RGS6: variants seen among roughly 807,000 people sequenced by gnomAD.
RGS6 encodes the protein regulator of G protein signaling 6.
RGS6 carries 30 observed loss-of-function variants against 78.5 expected under a neutral mutation model. The observed-to-expected ratio is 0.38, with a 90% CI of 0.29 to 0.52. RGS6 has a LOEUF of 0.52. RGS6 is among the 20% of genes least tolerant of loss of function. The probability of loss-of-function intolerance (pLI) is 0.85; values close to 1 mark genes in which losing one functional copy is unlikely to be tolerated. For missense variants in RGS6, 495 were observed against 609.7 expected (o/e 0.81, Z 1.98); for synonymous variants, 206 against 206.0 (o/e 1.00, Z 0.00).
intron 3 of RGS6, among the ~76,000 whole-genome samples, chr14:72,432,101 G>T (rs1179553372): frequency 1.3e-5 from 2 of 152,214 alleles, no homozygotes; most frequent in East Asian, 3.8e-4. Context: ...CCATCTCTGG[G>T]TGCAGCCAGG....
chr14:72,548,368 TG>T (rs1425787174), intron 17 of RGS6, among the ~76,000 whole-genome samples: 61 of 151,296 alleles, frequency 4.0e-4, no homozygotes, highest in African/African-American at 1.5e-3. Context: ...TGTGTGTGTG[TG>T]TGTTTTAAAT....
chr14:72,338,645 A>C (rs907324757), intron 2 of RGS6, among the ~76,000 whole-genome samples: 1 of 152,228 alleles, frequency 6.6e-6, no homozygotes, highest in African/African-American at 2.4e-5. Context: ...GCCTTTTAAG[A>C]GTATCATATA....
chr14:72,564,284 T>C lies in RGS6; in HGVS notation c.*1817T>C. Reference sequence around the variant, plus strand: ...CAGTGGAAACCAGAGAGATGACAGATGTTGAGTCCTCAGTGTCTCAGAGGC... The same window carrying C: ...CAGTGGAAACCAGAGAGATGACAGACGTTGAGTCCTCAGTGTCTCAGAGGC... On this transcript the variant is annotated 3_prime_UTR_variant, in exon 18 of 18. Coordinates refer to ENST00000553525, the MANE Select transcript of RGS6 (RefSeq NM_001204424.2). The C allele has an allele frequency of 6.6e-6, 1 of 152,250 alleles. No individual in the cohort carries two copies. Among genetic ancestry groups the C allele is most frequent in the Non-Finnish European group, 1.5e-5 (1 of 68,044 alleles). 9.4% of individuals were successfully genotyped at this position (152,250 alleles called of 1,614,324 possible).
At chr14:71,968,760 T>C (rs968048507) in intron 2 of RGS6, among the ~76,000 whole-genome samples, 3 of 152,230 alleles carry the variant, frequency 2.0e-5, no homozygotes, top group Admixed American at 6.5e-5. Context: ...GAAAATAATA[T>C]GTGGCAGATC....
chr14:72,166,309 A>AT (rs1456396883), intron 2 of RGS6, among the ~76,000 whole-genome samples: 2 of 152,256 alleles, frequency 1.3e-5, no homozygotes, highest in Admixed American at 1.3e-4. Context: ...AAAAGCTCCC[A>AT]TTTTTTGTTA....
intron 2 of RGS6, among the ~76,000 whole-genome samples, chr14:72,091,993 G>A (rs895020934): frequency 7.5e-6 from 1 of 134,114 alleles, no homozygotes; most frequent in African/African-American, 2.8e-5. Context: ...ATTAGCTATA[G>A]CTTCAGCCTT....
chr14:72,323,701 C>G (rs2072784078), intron 2 of RGS6, among the ~76,000 whole-genome samples: 1 of 146,366 alleles, frequency 6.8e-6, no homozygotes, highest in Non-Finnish European at 1.5e-5. Context: ...ACTTGGGAGG[C>G]TTAGGCAGGA....
the RGS6 span, among the ~76,000 whole-genome samples, chr14:72,620,520 A>G: frequency 6.6e-6 from 1 of 152,074 alleles, no homozygotes. Flanking sequence ...AAGCTTCCTC[A>G]CTGTCTGGAG....
At chr14:71,988,656 C>T (rs1366969589) in intron 2 of RGS6, among the ~76,000 whole-genome samples, 1 of 151,888 alleles carries the variant, frequency 6.6e-6, no homozygotes, top group African/African-American at 2.4e-5. Flanking sequence ...TGGCTTTTTA[C>T]AGAGAAGTTT....
chr14:72,606,860 T>C, the RGS6 span, among the ~76,000 whole-genome samples: 1 of 151,946 alleles, frequency 6.6e-6, no homozygotes, highest in Non-Finnish European at 1.5e-5. Context: ...GTCTAGGACC[T>C]CCCCCTCTCT....
intron 15 of RGS6, among the ~76,000 whole-genome samples, chr14:72,521,314 G>A (rs964635589): frequency 6.6e-6 from 1 of 152,094 alleles, no homozygotes; most frequent in African/African-American, 2.4e-5. Context: ...TATGATTATC[G>A]CCTGGTTCTT....
the RGS6 span, among the ~76,000 whole-genome samples, chr14:71,924,754 T>C: frequency 6.6e-6 from 1 of 152,254 alleles, no homozygotes. Flanking sequence ...TAATATTCCA[T>C]GTATATGGAA....
rs113035350 is a variant in RGS6, at chr14:72,333,518, C to G, written c.85-18577C>G. ...GCTCTCTGGCCCTCTTCTTTCTGTCCTCTCCATGCAGCTCCCACTGCTGTA... is the reference window on the plus strand; with the variant it reads ...GCTCTCTGGCCCTCTTCTTTCTGTCGTCTCCATGCAGCTCCCACTGCTGTA... On this transcript the variant is annotated intron_variant, in intron 2 of 17. Coordinates refer to ENST00000553525, the MANE Select transcript of RGS6 (RefSeq NM_001204424.2). Among the ~76,000 whole-genome samples the G allele has an allele frequency of 8.4e-3, 1,286 of 152,326 alleles. 11 individuals carry two copies. Among genetic ancestry groups the G allele is most frequent in the Non-Finnish European group, 0.013 (881 of 68,038 alleles).
chr14:72,280,979 C>T (rs935755849), intron 2 of RGS6, among the ~76,000 whole-genome samples: 1 of 152,054 alleles, frequency 6.6e-6, no homozygotes. Context: ...CTAGGAAATC[C>T]TATGTAGGCA....
At chr14:72,457,600 A>G (rs908927447) in intron 4 of RGS6, among the ~76,000 whole-genome samples, 3 of 151,622 alleles carry the variant, frequency 2.0e-5, no homozygotes, top group African/African-American at 4.8e-5. Flanking sequence ...TCAACTTTCT[A>G]TGTGCATCTA....
intron 3 of RGS6, among the ~76,000 whole-genome samples, chr14:72,419,597 C>G (rs2094050221): frequency 6.6e-6 from 1 of 152,204 alleles, no homozygotes; most frequent in African/African-American, 2.4e-5. Context: ...CAGCCATTTC[C>G]TTGGTTCCTG....
At chr14:71,936,081 C>G (rs1191915487) in intron 1 of RGS6, among the ~76,000 whole-genome samples, 1 of 118,768 alleles carries the variant, frequency 8.4e-6, no homozygotes, top group Non-Finnish European at 1.8e-5. Flanking sequence ...TATATATATG[C>G]TATACATGAT....
the RGS6 span, among the ~76,000 whole-genome samples, chr14:71,926,585 G>GAAAAAAAAAAAAAAAA: frequency 9.8e-5 from 5 of 51,260 alleles, no homozygotes; most frequent in African/African-American, 1.5e-4. Flanking sequence ...CTCTGTCTCA[G>GAAAAAAAAAAAAAAAA]AAAAAAAAAA....
chr14:71,964,333 C>T (rs895649622), intron 1 of RGS6, among the ~76,000 whole-genome samples: 1 of 151,982 alleles, frequency 6.6e-6, no homozygotes, highest in Non-Finnish European at 1.5e-5. Flanking sequence ...ATGGAGAAAC[C>T]CTGTCTCTAC....
Sources: gnomAD v4.1 joint callset for allele counts (sites outside exome capture counted in the v4.1 genomes callset) on GRCh38, gnomAD v4.1.1 for gene constraint, MANE v1.5 for transcripts, NCBI Gene and HGNC (gene_info 2026-07-23, HGNC 2026-07-21) for gene names.